Variants in DLGAP2 observed in about 807,000 individuals in gnomAD.
The protein encoded by DLGAP2 is DLG associated protein 2, also known as disks large-associated protein 2.
DLGAP2 carries 26 observed loss-of-function variants against 100.3 expected under a neutral mutation model. That is an observed-to-expected ratio of 0.26 (90% CI 0.19 to 0.36). The LOEUF (loss-of-function observed/expected upper bound fraction) is 0.36, where lower values mean the gene tolerates loss of function less well. Among genes scored for constraint, DLGAP2 ranks in the 10% least tolerant of loss-of-function variants. The probability of loss-of-function intolerance (pLI) is 1.00; values close to 1 mark genes in which losing one functional copy is unlikely to be tolerated. For synonymous variants in DLGAP2, 886 were observed against 630.1 expected, an observed-to-expected ratio of 1.41 and a Z score of -6.08; for missense variants, 1,858 against 1,453.2, an observed-to-expected ratio of 1.28 and a Z score of -4.53.
chr8:1,275,831 A>ATATATAAATATATATAATATATAAAT (rs1563056253), intron 3 of DLGAP2, among the ~76,000 whole-genome samples: 2 of 64,834 alleles, frequency 3.1e-5, no homozygotes, highest in Non-Finnish European at 5.9e-5. Flanking sequence ...TATAAAAATA[A>ATATATAAATATATATAATATATAAAT]ATATATAATA....
chr8:1,437,930 G>A (rs1434539816), intron 3 of DLGAP2, among the ~76,000 whole-genome samples: 1 of 151,784 alleles, frequency 6.6e-6, no homozygotes, highest in Non-Finnish European at 1.5e-5. Context: ...AGGTTGCAGT[G>A]AACCGAGATT....
intron 1 of DLGAP2, among the ~76,000 whole-genome samples, chr8:902,922 GCGGT>G (rs1798289422): frequency 1.3e-5 from 1 of 79,110 alleles, no homozygotes; most frequent in East Asian, 4.8e-4. Flanking sequence ...GTGGGCGGGG[GCGGT>G]GGAACGTGGG....
At chr8:1,434,633 C>G (rs1264749397) in intron 3 of DLGAP2, among the ~76,000 whole-genome samples, 1 of 152,138 alleles carries the variant, frequency 6.6e-6, no homozygotes, top group Non-Finnish European at 1.5e-5. Flanking sequence ...TGCGCCACCA[C>G]ACCAGGCTAA....
intron 2 of DLGAP2, among the ~76,000 whole-genome samples, chr8:1,172,778 C>T (rs901636103): frequency 1.3e-5 from 2 of 152,156 alleles, no homozygotes; most frequent in Non-Finnish European, 2.9e-5. Flanking sequence ...TCTAGTTATA[C>T]ATTCTTCTAA....
At chr8:1,623,594 G>T (rs781627746) in intron 6 of DLGAP2, among the ~76,000 whole-genome samples, 1 of 151,556 alleles carries the variant, frequency 6.6e-6, no homozygotes, top group Non-Finnish European at 1.5e-5. Flanking sequence ...AGTGTGTGAT[G>T]ACCTGGCACC....
chr8:1,072,797 C>A (rs7816727), intron 2 of DLGAP2, among the ~76,000 whole-genome samples: 2 of 152,274 alleles, frequency 1.3e-5, no homozygotes, highest in African/African-American at 4.8e-5. Context: ...GTTTGTTAGG[C>A]ACGTACCTGG....
rs188379015 is a variant in DLGAP2 at position 1,551,482 on chromosome 8, G to A, written c.1230+1799G>A. On this transcript the variant is annotated intron_variant, in intron 5 of 14. Transcript: ENST00000637795. ...CCCTCCAGCTGCGCCTTCTCCACAG[G>A]TCCTGTGCCCCTTGGACCTGCCTTC... 1.0e-3 allele frequency among the ~76,000 whole-genome samples: 153 copies of A among 152,230 alleles called. 1 individual carries two copies. The highest frequency in any genetic ancestry group is 3.4e-3 in the African/African-American group (141 of 41,538).
intron 2 of DLGAP2, among the ~76,000 whole-genome samples, chr8:1,190,615 G>T (rs1298293158): frequency 6.6e-6 from 1 of 152,192 alleles, no homozygotes; most frequent in Admixed American, 6.5e-5. Context: ...CAAAACAGCT[G>T]TTTGGTGACT....
intron 2 of DLGAP2, among the ~76,000 whole-genome samples, chr8:1,074,592 G>T (rs1803544739): frequency 6.6e-6 from 1 of 152,178 alleles, no homozygotes; most frequent in Non-Finnish European, 1.5e-5. Flanking sequence ...TTCTTACCAA[G>T]AGCAAGCCTA....
intron 1 of DLGAP2, among the ~76,000 whole-genome samples, chr8:857,129 C>G (rs959045662): frequency 7.9e-5 from 12 of 152,212 alleles, no homozygotes; most frequent in Admixed American, 7.9e-4. Context: ...AGAGGATGCT[C>G]TTATCAACAG....
At chr8:1,131,586 T>C (rs62486830) in intron 2 of DLGAP2, among the ~76,000 whole-genome samples, 17,157 of 152,068 alleles carry the variant, frequency 0.11, 1,027 homozygotes, top group Admixed American at 0.15. Flanking sequence ...GGCTTCACCG[T>C]GTGAATTTAG....
chr8:1,605,501 C>A (rs528925231), intron 6 of DLGAP2, among the ~76,000 whole-genome samples: 4 of 152,244 alleles, frequency 2.6e-5, no homozygotes, highest in Admixed American at 1.3e-4. Context: ...CTAGTGAGTG[C>A]GGCCTGTCCT....
At chr8:1,684,436 G>A (rs2130865738) in intron 12 of DLGAP2, among the ~76,000 whole-genome samples, 1 of 152,128 alleles carries the variant, frequency 6.6e-6, no homozygotes, top group African/African-American at 2.4e-5. Flanking sequence ...AGGGTTATTG[G>A]TTATGGTACT....
At chr8:883,528 A>C (rs1198236121) in intron 1 of DLGAP2, among the ~76,000 whole-genome samples, 1 of 151,776 alleles carries the variant, frequency 6.6e-6, no homozygotes, top group Non-Finnish European at 1.5e-5. Flanking sequence ...AAAAAAAAAA[A>C]CCCAGGATAC....
Position 948,964 on chromosome 8 carries a change from G to A in DLGAP2, c.73+40998G>A, listed in dbSNP as rs938193570. 4.7e-4 allele frequency among the ~76,000 whole-genome samples: 71 copies of A among 151,190 alleles called. 1 individual carries two copies. Among genetic ancestry groups the A allele is most frequent in the Admixed American group, 4.0e-4 (6 of 15,116 alleles). On this transcript the variant is annotated intron_variant, in intron 2 of 14. Coordinates refer to ENST00000637795, the MANE Select transcript of DLGAP2 (RefSeq NM_001346810.2). The stretch of plus-strand genomic sequence containing the variant: ...GGGTGAGAGCAGGGCCCGTGGGCGT[G>A]ACTGCCGCCATCTTGAGGAGTCGCC...
intron 2 of DLGAP2, among the ~76,000 whole-genome samples, chr8:1,080,093 C>T (rs769163872): frequency 7.6e-4 from 115 of 152,222 alleles, no homozygotes; most frequent in Non-Finnish European, 1.5e-3. Flanking sequence ...GGCCTGCTTC[C>T]CCAGCCTCCC....
chr8:1,532,722 G>C (rs1163504886), intron 4 of DLGAP2, among the ~76,000 whole-genome samples: 4 of 152,048 alleles, frequency 2.6e-5, no homozygotes, highest in Admixed American at 2.0e-4. Flanking sequence ...TTTTAAAATA[G>C]GTAGAAAGGA....
chr8:1,663,039 G>A (rs2130828556), intron 8 of DLGAP2, among the ~76,000 whole-genome samples: 1 of 145,772 alleles, frequency 6.9e-6, no homozygotes. Context: ...TGTGGGGGAT[G>A]TGTGCCTGTG....
intron 8 of DLGAP2, among the ~76,000 whole-genome samples, chr8:1,648,396 T>G (rs929966592): frequency 7.2e-5 from 11 of 152,214 alleles, no homozygotes; most frequent in Non-Finnish European, 1.5e-4. Flanking sequence ...ACATTTTTTT[T>G]TAAATCAACT....
Sources: gnomAD v4.1 joint callset for allele counts (sites outside exome capture counted in the v4.1 genomes callset) on GRCh38, gnomAD v4.1.1 for gene constraint, MANE v1.5 for transcripts, NCBI Gene and HGNC (gene_info 2026-07-23, HGNC 2026-07-21) for gene names.